The following ANOS1 variants were observed in gnomAD, a reference collection of about 807,000 sequenced individuals.
ANOS1 encodes anosmin-1.
ANOS1 carries 6 observed loss-of-function variants against 59.0 expected under a neutral mutation model. The ratio of observed to expected loss-of-function variants is 0.10; its 90% CI spans 0.06 to 0.20. The LOEUF (loss-of-function observed/expected upper bound fraction) is 0.20. ANOS1 is among the 10% of genes least tolerant of loss of function. ANOS1 has a pLI of 1.00. For missense variants in ANOS1, 433 were observed against 542.3 expected, an observed-to-expected ratio of 0.80 and a Z score of 2.00; for synonymous variants, 217 against 223.4, an observed-to-expected ratio of 0.97 and a Z score of 0.25.
chrX:8,679,021 C>T (rs749604234), intron 2 of ANOS1, among the ~76,000 whole-genome samples: 146 of 111,560 alleles, frequency 1.3e-3, no homozygotes, highest in Non-Finnish European at 2.2e-3. Flanking sequence ...AGAAAATGTT[C>T]CCCTAAGTGA....
At chrX:8,536,973 A>C (rs1232144754) in intron 10 of ANOS1, 31 bp from the exon 11 acceptor site, 1 of 1,106,931 alleles carries the variant, frequency 9.0e-7, no homozygotes, top group Non-Finnish European at 1.2e-6. Context: ...TTATGCTAGC[A>C]ATAAATCTCA....
chrX:8,604,214 A>C (rs1212303916), intron 3 of ANOS1, among the ~76,000 whole-genome samples: 8 of 111,474 alleles, frequency 7.2e-5, no homozygotes, highest in Non-Finnish European at 1.5e-4. Context: ...GACTGGGCTC[A>C]CCCAGTGGCT....
At chrX:8,640,712 G>A (rs1264501293) in intron 2 of ANOS1, among the ~76,000 whole-genome samples, 1 of 110,265 alleles carries the variant, frequency 9.1e-6, no homozygotes, top group African/African-American at 3.3e-5. Context: ...CTATAATTGG[G>A]AGACATTGCT....
chrX:8,558,245 C>T (rs962754447), intron 8 of ANOS1, among the ~76,000 whole-genome samples: 1 of 111,051 alleles, frequency 9.0e-6, no homozygotes, highest in Admixed American at 9.6e-5. Context: ...GGGTGCAGCA[C>T]ACCACCATGG....
chrX:8,553,591 TC>T (rs927170065), intron 9 of ANOS1, among the ~76,000 whole-genome samples: 8 of 110,501 alleles, frequency 7.2e-5, no homozygotes, highest in African/African-American at 2.6e-4. Flanking sequence ...TAGGTGACTT[TC>T]CCCCCCTACT....
intron 6 of ANOS1, among the ~76,000 whole-genome samples, chrX:8,572,371 G>A (rs1930247362): frequency 1.1e-5 from 1 of 92,539 alleles, no homozygotes; most frequent in Admixed American, 1.5e-4. Context: ...ACTTAGAACT[G>A]AGAGCATGCA....
chrX:8,664,141 C>A (rs112055926), intron 2 of ANOS1, among the ~76,000 whole-genome samples: 1 of 111,677 alleles, frequency 9.0e-6, no homozygotes, highest in Non-Finnish European at 1.9e-5. Flanking sequence ...TGTTTACCTA[C>A]GTAACAAATC....
At chrX:8,671,817 T>G (rs928916358) in intron 2 of ANOS1, among the ~76,000 whole-genome samples, 1 of 110,605 alleles carries the variant, frequency 9.0e-6, no homozygotes, top group African/African-American at 3.3e-5. Flanking sequence ...AAATAAAAAC[T>G]ATATATAATT....
At chrX:8,569,558 C>T (rs942627774) in intron 7 of ANOS1, among the ~76,000 whole-genome samples, 1 of 111,747 alleles carries the variant, frequency 8.9e-6, no homozygotes, top group Admixed American at 9.4e-5. Flanking sequence ...AGGAGAATGG[C>T]GTGAACCCGG....
chrX:8,624,011 C>CTTTTTTTT (rs566769185), intron 2 of ANOS1, among the ~76,000 whole-genome samples: 2 of 69,392 alleles, frequency 2.9e-5, no homozygotes, highest in African/African-American at 5.3e-5. Context: ...CTTTTCTTTT[C>CTTTTTTTT]TTTTTTTTTT....
chrX:8,569,632 A>G (rs1179347846), intron 7 of ANOS1, among the ~76,000 whole-genome samples: 1 of 111,645 alleles, frequency 9.0e-6, no homozygotes, highest in African/African-American at 3.3e-5. Flanking sequence ...ACAGAGCGAG[A>G]CTCCCTCTCA....
Position 8,534,431 on chromosome X carries a change from C to T in ANOS1, c.1872G>A (p.Leu624=), listed in dbSNP as rs1214091950. The change falls in exon 13 of 14, where the codon CTG becomes CTA. Residue 624 remains leucine (L), a synonymous_variant. Transcript: ENST00000262648. Reference sequence around the variant, plus strand: ...CCAGTCGGTAAAGAGTAGATGGTCTCAGATTGGGCACTGTTAGGACATAAT... The same window carrying T: ...CCAGTCGGTAAAGAGTAGATGGTCTTAGATTGGGCACTGTTAGGACATAAT... ...SDHYVLTVPN[L]RPSTLYRLEV... The T allele has an allele frequency of 5.8e-6, 7 of 1,208,262 alleles. No homozygotes were observed. The Admixed American group carries it at 1.5e-4, about 27-fold the overall frequency.
chrX:8,620,058 A>G (rs911821113), intron 3 of ANOS1, among the ~76,000 whole-genome samples: 2 of 112,098 alleles, frequency 1.8e-5, no homozygotes, highest in African/African-American at 6.5e-5. Flanking sequence ...TCAGCTTCCC[A>G]AAGTGCTGAT....
chrX:8,645,879 C>T (rs1602001332), intron 2 of ANOS1, among the ~76,000 whole-genome samples: 1 of 112,335 alleles, frequency 8.9e-6, no homozygotes, highest in Non-Finnish European at 1.9e-5. Flanking sequence ...CTCCTGACCT[C>T]GTGATCCGCC....
chrX:8,725,639 G>GATATATATACAGATAT (rs1348583807), intron 1 of ANOS1, among the ~76,000 whole-genome samples: 1 of 37,440 alleles, frequency 2.7e-5, no homozygotes, highest in South Asian at 9.2e-4. Flanking sequence ...TATATATACA[G>GATATATATACAGATAT]ATATATATAC....
At chrX:8,666,248 C>G (rs370127964) in intron 2 of ANOS1, among the ~76,000 whole-genome samples, 4 of 110,892 alleles carry the variant, frequency 3.6e-5, no homozygotes, top group Non-Finnish European at 7.6e-5. Context: ...CAAATTTTAA[C>G]CTTATTATAT....
intron 4 of ANOS1, among the ~76,000 whole-genome samples, chrX:8,596,047 C>T (rs983707552): frequency 1.8e-5 from 2 of 111,560 alleles, no homozygotes; most frequent in East Asian, 5.7e-4. Context: ...CCATCACCCC[C>T]AGATGGGACC....
chrX:8,680,483 G>A (rs1252451470), intron 2 of ANOS1, among the ~76,000 whole-genome samples: 2 of 111,924 alleles, frequency 1.8e-5, no homozygotes, highest in African/African-American at 6.5e-5. Context: ...ACAGACAACT[G>A]TAATAAAAAT....
chrX:8,595,655 A>T (rs1930720885), intron 4 of ANOS1, among the ~76,000 whole-genome samples: 1 of 111,756 alleles, frequency 8.9e-6, no homozygotes, highest in Non-Finnish European at 1.9e-5. Context: ...CAGTATTTAG[A>T]AATAATATGG....
Sources: allele counts gnomAD v4.1 joint callset (sites outside exome capture counted in the v4.1 genomes callset), GRCh38; gene constraint gnomAD v4.1.1; transcripts MANE v1.5; gene names NCBI Gene and HGNC (gene_info 2026-07-23, HGNC 2026-07-21).